The following PCDHA8 variants were observed in gnomAD, a reference collection of about 807,000 sequenced individuals.
PCDHA8 encodes protocadherin alpha 8.
PCDHA8 carries 53 observed loss-of-function variants against 61.8 expected under a neutral mutation model. The ratio of observed to expected loss-of-function variants is 0.86; its 90% CI spans 0.69 to 1.08. PCDHA8 has a LOEUF of 1.08. Among genes scored for constraint, PCDHA8 ranks in the 50% least tolerant of loss-of-function variants. The pLI is 0.00. For missense variants in PCDHA8, 1,293 were observed against 1,245.0 expected, an observed-to-expected ratio of 1.04 and a Z score of -0.58; for synonymous variants, 618 against 556.6, an observed-to-expected ratio of 1.11 and a Z score of -1.55.
chr5:140,849,263 T>C, intron 1 of PCDHA8: 3 of 1,126,864 alleles, frequency 2.7e-6, no homozygotes, highest in African/African-American at 1.9e-5. Context: ...AAAACGTTTC[T>C]ATCGGAACGC....
chr5:140,863,075 C>T (rs546237964), intron 1 of PCDHA8: 87 of 569,532 alleles, frequency 1.5e-4, no homozygotes, highest in South Asian at 9.6e-4. Flanking sequence ...GGGCTCTGCA[C>T]GGGCGAGATC....
intron 1 of PCDHA8, among the ~76,000 whole-genome samples, chr5:140,846,624 T>G (rs1554141412): frequency 6.7e-6 from 1 of 149,082 alleles, no homozygotes; most frequent in Non-Finnish European, 1.5e-5. Flanking sequence ...TCCGCCCACT[T>G]CGGCCTCCTA....
chr5:140,891,596 A>T (rs191602934), intron 1 of PCDHA8, among the ~76,000 whole-genome samples: 2 of 152,134 alleles, frequency 1.3e-5, no homozygotes, highest in African/African-American at 4.8e-5. Flanking sequence ...ACTCTATCCC[A>T]TCTATTTCTA....
At chr5:140,931,405 G>A (rs1395168165) in intron 1 of PCDHA8, among the ~76,000 whole-genome samples, 1 of 151,984 alleles carries the variant, frequency 6.6e-6, no homozygotes, top group South Asian at 2.1e-4. Flanking sequence ...CGATAGGAAG[G>A]CTGATGAATC....
chr5:140,899,468 G>A (rs1243330987), intron 1 of PCDHA8, among the ~76,000 whole-genome samples: 131 of 152,196 alleles, frequency 8.6e-4, no homozygotes, highest in Admixed American at 2.5e-3. Context: ...TTTGTCTTTG[G>A]TTCTGTTTAT....
intron 3 of PCDHA8, among the ~76,000 whole-genome samples, chr5:140,990,006 G>T (rs1249732911): frequency 1.3e-5 from 2 of 152,116 alleles, no homozygotes; most frequent in Non-Finnish European, 2.9e-5. Flanking sequence ...ATCTCCAAGG[G>T]CGTGGGCTAG....
rs116104145 is a variant in PCDHA8, at chr5:140,901,150, A to G, written c.2394+57435A>G. Among the ~76,000 whole-genome samples, 839 of 152,012 alleles carry G rather than the reference A, an allele frequency of 5.5e-3. 12 individuals carry two copies. Among genetic ancestry groups the G allele is most frequent in the African/African-American group, 0.019 (783 of 41,484 alleles). On this transcript the variant is annotated intron_variant, in intron 1 of 3. Transcript: ENST00000531613. ...GGTAGATTGTAAATATTTTCTCTCA[A>G]TCTGTGGGTTGTCTCTTCACTTTGT...
In PCDHA8 at chr5:140,850,319, A is replaced by T. The variant is rs1407979146; in HGVS notation, c.2394+6604A>T. On this transcript the variant is annotated intron_variant, in intron 1 of 3. Transcript: ENST00000531613. ...ACTCGGGCTACAACGCGTGGCTTTC[A>T]TACGAGCTGCAGCCAGAAACGGCCA... 3.1e-6 allele frequency: 5 copies of T among 1,597,446 alleles called. No individual in the cohort carries two copies. In the African/African-American group the frequency reaches 6.7e-5, roughly 21 times the overall value.
chr5:140,879,948 C>T (rs1025902128), intron 1 of PCDHA8, among the ~76,000 whole-genome samples: 1 of 152,168 alleles, frequency 6.6e-6, no homozygotes, highest in Non-Finnish European at 1.5e-5. Context: ...ATTTAGGGCC[C>T]ATCTGGATAA....
rs201231291 is a variant in PCDHA8, at chr5:140,849,957, G to A, written c.2394+6242G>A. On this transcript the variant is annotated intron_variant, in intron 1 of 3. Transcript: ENST00000531613. ...GCGGGACGCTGACGCGCAGGAGAAC[G>A]CCCTGGTGTCCTACTCGCTGGTGGA... The A allele has an allele frequency of 3.1e-6, 5 of 1,597,800 alleles. 1 individual carries two copies. The highest frequency in any genetic ancestry group is 3.4e-6 in the Non-Finnish European group (4 of 1,167,908).
intron 1 of PCDHA8, chr5:140,869,903 C>A: frequency 1.2e-6 from 2 of 1,610,648 alleles, no homozygotes; most frequent in Non-Finnish European, 1.7e-6. Flanking sequence ...CTAAACGCCA[C>A]AGACCGAGAC....
At chr5:140,882,491 C>T (rs782462724) in intron 1 of PCDHA8, 1 of 1,614,078 alleles carries the variant, frequency 6.2e-7, no homozygotes, top group South Asian at 1.1e-5. Flanking sequence ...CGGGGACCTT[C>T]TGGAGGTAAA....
rs782364875 is a variant in PCDHA8, at chr5:140,843,320, G to A, written c.1999G>A (p.Val667Met). 6.3e-7 allele frequency: 1 copy of A among 1,596,056 alleles called. No homozygotes were observed. Among genetic ancestry groups the A allele is most frequent in the Non-Finnish European group, 8.6e-7 (1 of 1,165,592 alleles). The change falls in exon 1 of 4, where the codon GTG becomes ATG. Residue 667 changes from valine to methionine, a missense_variant. Transcript: ENST00000531613. ...PALTATATVL[V>M]SLVESGQAPK... Reference sequence around the variant, plus strand: ...GCTGACCGCCACGGCCACGGTTCTGGTGTCGCTGGTGGAGAGCGGCCAGGC... The same window carrying A: ...GCTGACCGCCACGGCCACGGTTCTGATGTCGCTGGTGGAGAGCGGCCAGGC...
At chr5:140,870,900 C>T in intron 1 of PCDHA8, 1 of 1,613,956 alleles carries the variant, frequency 6.2e-7, no homozygotes, top group Non-Finnish European at 8.5e-7. Flanking sequence ...TGGATGCGGA[C>T]TCAGGCTACA....
rs183413454 is a variant in PCDHA8 at position 140,846,304 on chromosome 5, C to A, written c.2394+2589C>A. Among the ~76,000 whole-genome samples, 113 of 148,752 alleles carry A rather than the reference C, an allele frequency of 7.6e-4. 8 individuals are homozygous for A. Among genetic ancestry groups the A allele is most frequent in the African/African-American group, 2.6e-3 (105 of 40,780 alleles). On this transcript the variant is annotated intron_variant, in intron 1 of 3. Transcript: ENST00000531613. Reference sequence around the variant, plus strand: ...GTTGTAGTTCTATGAATTAAGTAAACCATTTATGTAGAGTGTTGTAAATAG... The same window carrying A: ...GTTGTAGTTCTATGAATTAAGTAAAACATTTATGTAGAGTGTTGTAAATAG...
At position 140,842,219 on chromosome 5, in the gene PCDHA8, G is replaced by C; in HGVS notation, c.898G>C (p.Gly300Arg). The change falls in exon 1 of 4, where the codon GGA (glycine) becomes CGA (arginine). Residue 300 changes from glycine (G) to arginine (R), a missense_variant. Transcript: ENST00000531613. ...IDHFSIDRNT[G>R]EIVIRGNLDF... ...CCACTTTAGCATAGATCGAAATACG[G>C]GAGAAATAGTGATTCGGGGTAATTT... 1.9e-6 allele frequency: 3 copies of C among 1,613,252 alleles called. No individual in the cohort carries two copies. The highest frequency in any genetic ancestry group is 2.5e-6 in the Non-Finnish European group (3 of 1,179,396).
chr5:140,872,755 C>A (rs1415992998), intron 1 of PCDHA8, among the ~76,000 whole-genome samples: 2 of 152,118 alleles, frequency 1.3e-5, no homozygotes, highest in African/African-American at 4.8e-5. Flanking sequence ...TAAAGACATG[C>A]ATATAGGGCT....
At chr5:140,850,365 G>C in intron 1 of PCDHA8, 1 of 1,597,962 alleles carries the variant, frequency 6.3e-7, no homozygotes, top group Middle Eastern at 1.7e-4. Flanking sequence ...CCCGTTCCGC[G>C]TGGGGCTGTA....
intron 1 of PCDHA8, chr5:140,966,994 C>T: frequency 6.2e-7 from 1 of 1,604,620 alleles, no homozygotes; most frequent in Non-Finnish European, 8.5e-7. Context: ...GGCCGGGTTG[C>T]TTGCGCATCA....
Sources: allele counts gnomAD v4.1 joint callset (sites outside exome capture counted in the v4.1 genomes callset), GRCh38; gene constraint gnomAD v4.1.1; transcripts MANE v1.5; gene names NCBI Gene and HGNC (gene_info 2026-07-23, HGNC 2026-07-21).